The following MGAT5 variants were observed in gnomAD, a reference collection of about 807,000 sequenced individuals.
MGAT5 encodes alpha-1,6-mannosylglycoprotein 6-beta-N-acetylglucosaminyltransferase A.
In MGAT5, 30 loss-of-function variants were observed where a neutral mutation model predicts 94.3. The ratio of observed to expected loss-of-function variants is 0.32; its 90% CI spans 0.24 to 0.43. The LOEUF is 0.43. MGAT5 is among the 20% of genes least tolerant of loss of function. The pLI, the probability that MGAT5 is intolerant of heterozygous loss-of-function variation, is 1.00. For missense variants in MGAT5, 691 were observed against 905.5 expected (o/e 0.76, Z 3.04); for synonymous variants, 310 against 322.9 (o/e 0.96, Z 0.43).
intron 2 of MGAT5, among the ~76,000 whole-genome samples, chr2:134,285,253 G>T (rs1347506051): frequency 6.7e-6 from 1 of 150,216 alleles, no homozygotes; most frequent in Non-Finnish European, 1.5e-5. Flanking sequence ...CACTGTCAAT[G>T]ACAGCTTTTT....
chr2:134,346,581 T>A (rs1688935508), intron 8 of MGAT5, among the ~76,000 whole-genome samples: 2 of 152,118 alleles, frequency 1.3e-5, no homozygotes, highest in South Asian at 4.1e-4. Context: ...AAATTCAAAA[T>A]TTTCCCTTTT....
At position 134,207,616 on chromosome 2, in the gene MGAT5, T is replaced by C. The variant is rs569143385; in HGVS notation, c.-142-46646T>C. The stretch of plus-strand genomic sequence containing the variant: ...GAAAAATACAGTTGCTTACCAGAGA[T>C]ACTGATCGTTTACTTCTGCTAGGAT... On this transcript the variant is annotated intron_variant, in intron 1 of 16. Transcript: ENST00000409645. Among the ~76,000 whole-genome samples, 8 of 151,816 alleles carry C rather than the reference T, an allele frequency of 5.3e-5. No homozygotes were observed. In the East Asian group the frequency reaches 1.4e-3, roughly 26 times the overall value.
chr2:134,322,120 G>A (rs9677602), intron 4 of MGAT5, among the ~76,000 whole-genome samples: 3,555 of 152,242 alleles, frequency 0.023, 152 homozygotes, highest in African/African-American at 0.081. Context: ...TAATAGGAAT[G>A]TACTTAGAGT....
chr2:134,126,207 T>A (rs1480132895), intron 1 of MGAT5, among the ~76,000 whole-genome samples: 1 of 152,204 alleles, frequency 6.6e-6, no homozygotes, highest in Non-Finnish European at 1.5e-5. Context: ...GGAATGCTTC[T>A]GCCAAATAAA....
chr2:134,246,167 TAA>T (rs11378452), intron 1 of MGAT5, among the ~76,000 whole-genome samples: 8 of 130,510 alleles, frequency 6.1e-5, no homozygotes, highest in East Asian at 4.5e-4. Context: ...TTCCTGTTTA[TAA>T]AAAAAAAAAA....
At chr2:134,234,313 A>C (rs1016663605) in intron 1 of MGAT5, among the ~76,000 whole-genome samples, 3 of 152,204 alleles carry the variant, frequency 2.0e-5, no homozygotes, top group Admixed American at 1.3e-4. Context: ...CATCTTTATT[A>C]ACCAAGGGGG....
chr2:134,413,137 C>T, intron 12 of MGAT5, 122 bp downstream of exon 12: 1 of 1,124,106 alleles, frequency 8.9e-7, no homozygotes, highest in South Asian at 1.5e-5. Flanking sequence ...TATAGAGGCT[C>T]AGAGAGGCAA....
intron 1 of MGAT5, among the ~76,000 whole-genome samples, chr2:134,179,872 G>T (rs1054216077): frequency 6.6e-5 from 10 of 152,186 alleles, no homozygotes; most frequent in Non-Finnish European, 1.3e-4. Context: ...AGGTCACAAA[G>T]ACCTTGCTGG....
At chr2:134,430,354 G>T (rs1684815049) in intron 14 of MGAT5, among the ~76,000 whole-genome samples, 1 of 152,222 alleles carries the variant, frequency 6.6e-6, no homozygotes, top group South Asian at 2.1e-4. Context: ...CAGGTCCTCT[G>T]TAAGCCTTGC....
intron 2 of MGAT5, among the ~76,000 whole-genome samples, chr2:134,290,627 A>C (rs1178322483): frequency 1.3e-5 from 2 of 152,286 alleles, no homozygotes; most frequent in East Asian, 3.9e-4. Flanking sequence ...TTTACTTTAC[A>C]AGGGGTGCTC....
rs149114656 is a variant in MGAT5, at chr2:134,255,060, A to G, written c.241+416A>G. ...AGGATGGGGAGGAATGTTCTATGGA[A>G]GCCAGTAAACTTAGAGCCAATTGTG... On this transcript the variant is annotated intron_variant, in intron 1 of 15. Coordinates refer to ENST00000281923, the MANE Select transcript of MGAT5 (RefSeq NM_002410.5). 1.2e-4 allele frequency among the ~76,000 whole-genome samples: 19 copies of G among 152,292 alleles called. No individual in the cohort carries two copies. The East Asian group carries it at 3.7e-3, about 29-fold the overall frequency.
chr2:134,352,937 G>A (rs939258242), intron 9 of MGAT5, among the ~76,000 whole-genome samples: 1 of 152,112 alleles, frequency 6.6e-6, no homozygotes, highest in African/African-American at 2.4e-5. Flanking sequence ...TATGCTAAGC[G>A]AAATAAGCTA....
intron 1 of MGAT5, among the ~76,000 whole-genome samples, chr2:134,128,739 A>T (rs1239184579): frequency 6.6e-6 from 1 of 152,052 alleles, no homozygotes; most frequent in Non-Finnish European, 1.5e-5. Flanking sequence ...TTTAAAAAAA[A>T]TTTTAGTTTT....
In MGAT5 at chr2:134,329,258, A is replaced by G. The variant is rs953212900; in HGVS notation, c.574-6959A>G. Among the ~76,000 whole-genome samples, 5 of 152,168 alleles carry G rather than the reference A, an allele frequency of 3.3e-5. No individual in the cohort carries two copies. The East Asian group carries it at 7.8e-4, about 24-fold the overall frequency. ...AGTGTAGGAGTTGAAGTCAGATTCT[A>G]TAAGATCTTGGTATAAATTCTGGGT... On this transcript the variant is annotated intron_variant, in intron 4 of 15. Coordinates refer to ENST00000281923, the MANE Select transcript of MGAT5 (RefSeq NM_002410.5).
chr2:134,278,328 A>C (rs1684500947), intron 2 of MGAT5, among the ~76,000 whole-genome samples: 1 of 152,174 alleles, frequency 6.6e-6, no homozygotes, highest in Non-Finnish European at 1.5e-5. Context: ...GATGGTCCCA[A>C]GGAGGCTCTA....
At chr2:134,177,969 G>C (rs1688558370) in intron 1 of MGAT5, among the ~76,000 whole-genome samples, 1 of 152,216 alleles carries the variant, frequency 6.6e-6, no homozygotes, top group Admixed American at 6.5e-5. Context: ...ATGATGAAAT[G>C]TGGCAGAGGT....
rs376841917 is a variant in MGAT5, at chr2:134,448,747, T to G, written c.2126T>G (p.Leu709Arg). The change falls in exon 16 of 16, where the codon CTG (leucine) becomes CGG (arginine). Residue 709 changes from leucine to arginine, a missense_variant. Leu to Arg is a moderately radical substitution (Grantham distance 102, BLOSUM62 -2). Coordinates refer to ENST00000281923, the MANE Select transcript of MGAT5 (RefSeq NM_002410.5). ...NKHCVFQGDL[L>R]LFSCAGAHPR... is the part of the protein sequence containing the mutation. ...CACTGTGTGTTTCAAGGTGACCTCC[T>G]GCTCTTCAGCTGTGCAGGCGCCCAC... The G allele has an allele frequency of 4.3e-6, 7 of 1,614,126 alleles. No homozygotes were observed. Among genetic ancestry groups the G allele is most frequent in the Non-Finnish European group, 5.9e-6 (7 of 1,180,048 alleles).
intron 7 of MGAT5, among the ~76,000 whole-genome samples, chr2:134,344,215 C>T (rs1042668158): frequency 6.6e-6 from 1 of 152,028 alleles, no homozygotes; most frequent in Non-Finnish European, 1.5e-5. Context: ...TACATCGTCA[C>T]GCTCTGAGCG....
intron 10 of MGAT5, among the ~76,000 whole-genome samples, chr2:134,383,845 A>G (rs1471680173): frequency 6.6e-6 from 1 of 151,870 alleles, no homozygotes; most frequent in African/African-American, 2.4e-5. Flanking sequence ...ATGCCCGGCT[A>G]ATTTTTTGTA....
Sources: allele counts gnomAD v4.1 joint callset (sites outside exome capture counted in the v4.1 genomes callset), GRCh38; gene constraint gnomAD v4.1.1; transcripts MANE v1.5; gene names NCBI Gene and HGNC (gene_info 2026-07-23, HGNC 2026-07-21).